OGDH: variants seen among roughly 807,000 people sequenced by gnomAD.
OGDH encodes the protein 2-oxoglutarate dehydrogenase complex component E1.
A neutral mutation model predicts 116.6 loss-of-function variants in OGDH; 38 were observed. That is an observed-to-expected ratio of 0.33 (90% CI 0.25 to 0.43). The LOEUF (loss-of-function observed/expected upper bound fraction) is 0.43, where lower values mean the gene tolerates loss of function less well. Ranked by LOEUF, OGDH falls within the 20% of genes least tolerant of loss-of-function variation. The pLI is 1.00. For missense variants in OGDH, 825 were observed against 1,357.2 expected, an observed-to-expected ratio of 0.61 and a Z score of 6.16; for synonymous variants, 488 against 533.3, an observed-to-expected ratio of 0.92 and a Z score of 1.17.
intron 5 of OGDH, among the ~76,000 whole-genome samples, chr7:44,669,692 A>G (rs1046150670): frequency 1.3e-5 from 2 of 152,014 alleles, no homozygotes; most frequent in Non-Finnish European, 2.9e-5. Context: ...CCTCCCTTTC[A>G]GTCCAGTTGA....
intron 4 of OGDH, among the ~76,000 whole-genome samples, chr7:44,651,733 T>C (rs1450244556): frequency 1.3e-5 from 2 of 149,556 alleles, no homozygotes. Context: ...AGCTAATTTT[T>C]GTATTTTTAG....
At chr7:44,696,799 G>A (rs1788599988) in intron 14 of OGDH, 115 bp from the exon 15 acceptor site, 2 of 1,360,732 alleles carry the variant, frequency 1.5e-6, no homozygotes, top group Non-Finnish European at 2.0e-6. Flanking sequence ...AGCAAGTCAG[G>A]AACCCAGAAA....
chr7:44,647,576 CT>C (rs113649447), intron 3 of OGDH, 80 bp from the exon 4 acceptor site: 153 of 1,550,964 alleles, frequency 9.9e-5, no homozygotes, highest in Middle Eastern at 1.7e-4. Context: ...TGTAATTTTA[CT>C]TTTTTTTTAC....
intron 20 of OGDH, among the ~76,000 whole-genome samples, chr7:44,702,200 A>AAATG (rs1788864003): frequency 6.6e-6 from 1 of 152,124 alleles, no homozygotes; most frequent in African/African-American, 2.4e-5. Context: ...GCCCCCAAGG[A>AAATG]CTCCACTAGA....
At chr7:44,693,179 G>A (rs1307809763) in intron 10 of OGDH, among the ~76,000 whole-genome samples, 1 of 152,040 alleles carries the variant, frequency 6.6e-6, no homozygotes, top group African/African-American at 2.4e-5. Flanking sequence ...ATGGTGGTGC[G>A]TGCCTGTATT....
At chr7:44,700,342 A>G (rs1788772970) in intron 19 of OGDH, 73 bp downstream of exon 19, 3 of 1,580,054 alleles carry the variant, frequency 1.9e-6, no homozygotes, top group Admixed American at 1.8e-5. Context: ...GGCTCCTCAG[A>G]GAGCCTCTTG....
At chr7:44,665,067 C>G (rs1787122478) in intron 4 of OGDH, among the ~76,000 whole-genome samples, 1 of 152,196 alleles carries the variant, frequency 6.6e-6, no homozygotes, top group African/African-American at 2.4e-5. Context: ...TGCACCTGGC[C>G]TGAGTTTTTT....
In OGDH at chr7:44,696,444, A is replaced by C. The variant is rs1788584860; in HGVS notation, c.1787A>C (p.Asp596Ala). The C allele has an allele frequency of 1.9e-6, 3 of 1,613,942 alleles. No individual in the cohort carries two copies. In the East Asian group the frequency reaches 6.7e-5, roughly 36 times the overall value. The change falls in exon 14 of 23, where the codon GAC (aspartate) becomes GCC (alanine). Residue 596 changes from aspartate (D) to alanine (A), a missense_variant. This residue lies in a region of OGDH where 92 missense variants were observed against 129.7 expected (regional missense o/e 0.71). Transcript: ENST00000222673. ...DSPWPGFFTL[D>A]GQPRSMSCPS... ...CTTCTCCTAGGCTTCTTCACCCTGG[A>C]CGGGCAGCCCAGGAGCATGTCCTGC...
At chr7:44,623,858 A>C (rs1268013801) in intron 1 of OGDH, among the ~76,000 whole-genome samples, 3 of 152,060 alleles carry the variant, frequency 2.0e-5, no homozygotes, top group Non-Finnish European at 4.4e-5. Flanking sequence ...GTTGGCCAGG[A>C]TGGTCTTGAT....
intron 9 of OGDH, among the ~76,000 whole-genome samples, 171 bp from the exon 10 acceptor site, chr7:44,681,549 G>C (rs943095715): frequency 2.6e-5 from 4 of 152,154 alleles, no homozygotes; most frequent in Non-Finnish European, 5.9e-5. Flanking sequence ...ATATACCAAG[G>C]TGCTAGCATG....
At chr7:44,623,922 G>GTGTGAGCCACCGA (rs1365438846) in intron 1 of OGDH, among the ~76,000 whole-genome samples, 139 of 152,290 alleles carry the variant, frequency 9.1e-4, no homozygotes, top group African/African-American at 3.3e-3. Flanking sequence ...GGGATTACAG[G>GTGTGAGCCACCGA]TGTGAGCCAC....
At chr7:44,618,408 C>G (rs1188477580) in intron 1 of OGDH, among the ~76,000 whole-genome samples, 2 of 152,008 alleles carry the variant, frequency 1.3e-5, no homozygotes, top group African/African-American at 2.4e-5. Context: ...CCTCATCCTT[C>G]CCTCATTTCT....
chr7:44,699,382 G>T (rs962958285), intron 18 of OGDH, among the ~76,000 whole-genome samples: 16 of 139,020 alleles, frequency 1.2e-4, no homozygotes, highest in Admixed American at 3.2e-4. Flanking sequence ...CCAAGATTGC[G>T]CCACTGCACT....
At position 44,631,868 on chromosome 7, in the gene OGDH, G is replaced by A. The variant is rs186914870; in HGVS notation, c.222+7303G>A. ...TTCCTTTCTCTCTCCTCTCTCTCCC[G>A]GCCCTTAAAAAGAAAAATAAATAAA... On this transcript the variant is annotated intron_variant, in intron 2 of 22. Coordinates refer to ENST00000222673, the MANE Select transcript of OGDH (RefSeq NM_002541.4). 6.0e-5 allele frequency among the ~76,000 whole-genome samples: 8 copies of A among 132,756 alleles called. No individual in the cohort carries two copies. The East Asian group carries it at 6.3e-4, about 11-fold the overall frequency. The allele number at this position is 132,756 out of a possible 152,430, so 87.1% of individuals were successfully genotyped here. A position where few individuals can be genotyped will look rare whatever the true frequency, so the allele number is the denominator to read the frequency against.
intron 2 of OGDH, among the ~76,000 whole-genome samples, chr7:44,634,088 C>T (rs567146273): frequency 6.6e-6 from 1 of 152,230 alleles, no homozygotes; most frequent in Non-Finnish European, 1.5e-5. Flanking sequence ...TGCCAGCTCC[C>T]TTGGAGCTGA....
At chr7:44,639,537 A>G (rs530929218) in intron 2 of OGDH, among the ~76,000 whole-genome samples, 45 of 152,360 alleles carry the variant, frequency 3.0e-4, no homozygotes, top group African/African-American at 9.9e-4. Context: ...GGTTTAACTT[A>G]CATATATTAA....
chr7:44,666,122 T>C (rs12155014), intron 4 of OGDH, among the ~76,000 whole-genome samples: 9,560 of 152,280 alleles, frequency 0.063, 375 homozygotes, highest in Middle Eastern at 0.095. Context: ...GAGAAGACGA[T>C]GGTCCTTAAT....
chr7:44,615,473 A>G (rs1053667498), intron 1 of OGDH, among the ~76,000 whole-genome samples: 16 of 152,162 alleles, frequency 1.1e-4, no homozygotes, highest in African/African-American at 3.4e-4. Context: ...GGAAGGGCTC[A>G]TTATTCACCA....
intron 10 of OGDH, among the ~76,000 whole-genome samples, chr7:44,693,006 T>TAA (rs77813445): frequency 2.9e-5 from 4 of 139,208 alleles, no homozygotes; most frequent in African/African-American, 7.7e-5. Context: ...ACTCTCTCTT[T>TAA]AAAAAAAAAA....
Sources: allele counts gnomAD v4.1 joint callset (sites outside exome capture counted in the v4.1 genomes callset), GRCh38; gene constraint gnomAD v4.1.1; regional missense constraint gnomAD v4.1.1; transcripts MANE v1.5; gene names NCBI Gene and HGNC (gene_info 2026-07-23, HGNC 2026-07-21).